Variants in RARB observed in about 807,000 individuals in gnomAD.
RARB encodes the protein retinoic acid receptor beta.
A neutral mutation model predicts 51.9 loss-of-function variants in RARB; 17 were observed. The ratio of observed to expected loss-of-function variants is 0.33; its 90% CI spans 0.22 to 0.49. The LOEUF (loss-of-function observed/expected upper bound fraction) is 0.49, where lower values mean the gene tolerates loss of function less well. Among genes scored for constraint, RARB ranks in the 20% least tolerant of loss-of-function variants. RARB has a pLI of 0.99. For missense variants in RARB, 369 were observed against 550.8 expected (o/e 0.67, Z 3.30); for synonymous variants, 215 against 195.4 (o/e 1.10, Z -0.84).
At chr3:25,558,666 T>C (rs1450914449) in intron 3 of RARB, among the ~76,000 whole-genome samples, 3 of 151,880 alleles carry the variant, frequency 2.0e-5, no homozygotes, top group East Asian at 3.9e-4. Flanking sequence ...AAATCCACAA[T>C]GCCATTGCTC....
chr3:25,262,039 C>T (rs1420718950), intron 5 of RARB, among the ~76,000 whole-genome samples: 3 of 152,108 alleles, frequency 2.0e-5, no homozygotes, highest in Non-Finnish European at 4.4e-5. Context: ...TAAAGGCCCT[C>T]TGGGGCTTCC....
At chr3:25,362,591 C>T (rs1395860764) in intron 5 of RARB, among the ~76,000 whole-genome samples, 1 of 152,144 alleles carries the variant, frequency 6.6e-6, no homozygotes, top group Non-Finnish European at 1.5e-5. Flanking sequence ...AAACCCAGGG[C>T]ACTTGTGGGG....
At chr3:25,232,209 C>T (rs1179305224) in intron 5 of RARB, among the ~76,000 whole-genome samples, 1 of 151,996 alleles carries the variant, frequency 6.6e-6, no homozygotes, top group Non-Finnish European at 1.5e-5. Flanking sequence ...TATCCTTTTA[C>T]CAATTTTATA....
intron 5 of RARB, among the ~76,000 whole-genome samples, chr3:25,255,043 C>G (rs1340642455): frequency 6.6e-6 from 1 of 152,128 alleles, no homozygotes; most frequent in Non-Finnish European, 1.5e-5. Flanking sequence ...AAACTAGGGG[C>G]TGCTCCCAAT....
chr3:25,108,802 A>C (rs966836085), intron 3 of RARB, among the ~76,000 whole-genome samples: 1 of 152,228 alleles, frequency 6.6e-6, no homozygotes, highest in East Asian at 1.9e-4. Flanking sequence ...TTTTTTTATA[A>C]TTAAGCTAAT....
intron 2 of RARB, among the ~76,000 whole-genome samples, chr3:24,996,304 T>G: frequency 6.6e-6 from 1 of 152,052 alleles, no homozygotes; most frequent in East Asian, 1.9e-4. Context: ...CACTGTGATG[T>G]GTCCATTTTT....
rs768047630 is a variant in RARB at position 25,596,633 on chromosome 3, T to G, written c.*17T>G. 34 of 1,558,308 alleles carry G rather than the reference T, an allele frequency of 2.2e-5. No homozygotes were observed. In the East Asian group the frequency reaches 7.0e-4, roughly 32 times the overall value. ...GTGCAATAAGACATTTTCTAGCTAC[T>G]TCAAACATTCCCCAGTACCTTCAGT... is the stretch of plus-strand genomic sequence containing the variant. On this transcript the variant is annotated 3_prime_UTR_variant, in exon 8 of 8. Transcript: ENST00000330688.
upstream of RARB, among the ~76,000 whole-genome samples, chr3:25,423,940 C>T (rs1407084041): frequency 7.7e-4 from 117 of 152,244 alleles, 1 homozygote; most frequent in Non-Finnish European, 5.9e-5. Flanking sequence ...AACTGTTGGG[C>T]TTGAAGAGCT....
chr3:25,331,736 GC>G (rs1474532398), intron 5 of RARB, among the ~76,000 whole-genome samples: 9 of 152,246 alleles, frequency 5.9e-5, no homozygotes, highest in African/African-American at 2.2e-4. Flanking sequence ...GAATCCAGGA[GC>G]TGGTTTTTTG....
At chr3:25,581,964 C>T (rs868733093) in intron 5 of RARB, among the ~76,000 whole-genome samples, 1 of 152,118 alleles carries the variant, frequency 6.6e-6, no homozygotes, top group Non-Finnish European at 1.5e-5. Context: ...GGGCAGGGAT[C>T]TTCCCAAGGT....
At chr3:25,069,429 C>T (rs1698726210) in intron 3 of RARB, among the ~76,000 whole-genome samples, 1 of 152,178 alleles carries the variant, frequency 6.6e-6, no homozygotes, top group African/African-American at 2.4e-5. Context: ...GTTGAATTAA[C>T]TGGCATATAT....
chr3:25,480,590 C>G (rs1696177383), intron 2 of RARB, among the ~76,000 whole-genome samples: 1 of 152,122 alleles, frequency 6.6e-6, no homozygotes. Context: ...TCATATAATT[C>G]TAAAGGTGAG....
intron 2 of RARB, among the ~76,000 whole-genome samples, chr3:24,975,837 G>A (rs1269249238): frequency 6.6e-6 from 1 of 152,030 alleles, no homozygotes; most frequent in Admixed American, 6.6e-5. Context: ...TGTTACATAG[G>A]TATATGTGTG....
At chr3:25,402,116 TAA>T (rs1446975507) in intron 5 of RARB, among the ~76,000 whole-genome samples, 2 of 151,512 alleles carry the variant, frequency 1.3e-5, no homozygotes, top group East Asian at 3.9e-4. Flanking sequence ...GTAGAAAGAG[TAA>T]AGAGATAAAA....
At chr3:25,213,519 T>G (rs1194103710) in intron 5 of RARB, among the ~76,000 whole-genome samples, 1 of 152,226 alleles carries the variant, frequency 6.6e-6, no homozygotes, top group Non-Finnish European at 1.5e-5. Flanking sequence ...TAAGGCACTC[T>G]GAGCATCCTT....
intron 5 of RARB, among the ~76,000 whole-genome samples, chr3:25,177,217 A>G (rs1400248636): frequency 6.6e-6 from 1 of 152,236 alleles, no homozygotes; most frequent in East Asian, 1.9e-4. Context: ...CAAAGAAGGA[A>G]TTGTCCTTGT....
chr3:25,102,264 G>T (rs1699417306), intron 3 of RARB, among the ~76,000 whole-genome samples: 1 of 152,102 alleles, frequency 6.6e-6, no homozygotes, highest in African/African-American at 2.4e-5. Context: ...AGATTGGCTG[G>T]GCACTGTGGC....
intron 5 of RARB, among the ~76,000 whole-genome samples, chr3:25,364,324 A>G (rs962423132): frequency 6.6e-6 from 1 of 152,052 alleles, no homozygotes; most frequent in Non-Finnish European, 1.5e-5. Flanking sequence ...GGTTACTCCA[A>G]AAAAAATGGA....
At chr3:25,127,255 T>A (rs73143425) in intron 3 of RARB, among the ~76,000 whole-genome samples, 1,614 of 152,224 alleles carry the variant, frequency 0.011, 31 homozygotes, top group African/African-American at 0.037. Context: ...GATCTGGCCC[T>A]GCAAACCTCC....
Sources: gnomAD v4.1 joint callset for allele counts (sites outside exome capture counted in the v4.1 genomes callset) on GRCh38, gnomAD v4.1.1 for gene constraint, MANE v1.5 for transcripts, NCBI Gene and HGNC (gene_info 2026-07-23, HGNC 2026-07-21) for gene names.